Variants in AGBL4 observed in about 807,000 individuals in gnomAD.
AGBL4 encodes AGBL carboxypeptidase 4.
In AGBL4, 58 loss-of-function variants were observed where a neutral mutation model predicts 66.4. The observed-to-expected ratio is 0.87, with a 90% CI of 0.71 to 1.09. AGBL4 has a LOEUF of 1.09. AGBL4 is among the 50% of genes least tolerant of loss of function. The probability of loss-of-function intolerance (pLI) is 0.00; values close to 1 mark genes in which losing one functional copy is unlikely to be tolerated. For synonymous variants in AGBL4, 234 were observed against 222.9 expected, an observed-to-expected ratio of 1.05 and a Z score of -0.44; for missense variants, 579 against 631.0, an observed-to-expected ratio of 0.92 and a Z score of 0.88.
intron 3 of AGBL4, among the ~76,000 whole-genome samples, chr1:49,340,654 A>G (rs1471050718): frequency 2.6e-5 from 4 of 152,154 alleles, no homozygotes; most frequent in Non-Finnish European, 5.9e-5. Context: ...TGGATGCCCA[A>G]AGATATTTAA....
At chr1:49,381,122 C>G (rs1219014640) in intron 3 of AGBL4, among the ~76,000 whole-genome samples, 1 of 152,070 alleles carries the variant, frequency 6.6e-6, no homozygotes, top group African/African-American at 2.4e-5. Context: ...TATCCAGAAT[C>G]TACAAAGAAC....
intron 3 of AGBL4, among the ~76,000 whole-genome samples, chr1:49,414,539 T>C (rs1284740408): frequency 6.6e-6 from 1 of 152,168 alleles, no homozygotes; most frequent in African/African-American, 2.4e-5. Flanking sequence ...TCAATGGTTA[T>C]ATGCAATGAA....
At chr1:49,705,255 G>A (rs560987309) in intron 2 of AGBL4, among the ~76,000 whole-genome samples, 21 of 152,128 alleles carry the variant, frequency 1.4e-4, no homozygotes, top group Non-Finnish European at 2.9e-4. Flanking sequence ...AGGAATGCCT[G>A]TGAGTTTTGC....
chr1:49,782,151 C>T (rs1259482806), intron 2 of AGBL4, among the ~76,000 whole-genome samples: 18 of 151,444 alleles, frequency 1.2e-4, no homozygotes, highest in African/African-American at 3.1e-4. Context: ...GCTAGAAAAA[C>T]AAGAAAGAAA....
intron 3 of AGBL4, among the ~76,000 whole-genome samples, chr1:49,247,403 A>C (rs1651728510): frequency 6.6e-6 from 1 of 151,928 alleles, no homozygotes; most frequent in South Asian, 2.1e-4. Flanking sequence ...TTGGTTTCAG[A>C]CCTCTCTTCT....
intron 2 of AGBL4, among the ~76,000 whole-genome samples, chr1:49,760,671 G>A (rs1652239437): frequency 2.0e-5 from 3 of 152,078 alleles, no homozygotes; most frequent in South Asian, 2.1e-4. Context: ...CCATTACTGG[G>A]TATATACCCA....
At chr1:49,628,982 T>C (rs1195716634) in intron 3 of AGBL4, among the ~76,000 whole-genome samples, 1 of 152,160 alleles carries the variant, frequency 6.6e-6, no homozygotes, top group Admixed American at 6.6e-5. Flanking sequence ...AGTTTTTAAT[T>C]TTATGGATTC....
At chr1:49,195,979 G>A (rs981620944) in intron 4 of AGBL4, among the ~76,000 whole-genome samples, 7 of 151,980 alleles carry the variant, frequency 4.6e-5, no homozygotes, top group Non-Finnish European at 8.8e-5. Context: ...TTCTCACTTC[G>A]CTCCTCATTC....
chr1:49,972,175 C>G (rs148898405), intron 1 of AGBL4, among the ~76,000 whole-genome samples: 8,055 of 151,570 alleles, frequency 0.053, 237 homozygotes, highest in African/African-American at 0.071. Flanking sequence ...TCCCAAAGTG[C>G]TGGGATTACA....
chr1:49,797,305 C>T (rs1644754239), intron 2 of AGBL4, among the ~76,000 whole-genome samples: 1 of 152,150 alleles, frequency 6.6e-6, no homozygotes, highest in Non-Finnish European at 1.5e-5. Context: ...TTGTTCTCTT[C>T]TGATATTAAA....
At chr1:49,249,376 T>C (rs528493336) in intron 3 of AGBL4, among the ~76,000 whole-genome samples, 71 of 151,522 alleles carry the variant, frequency 4.7e-4, no homozygotes, top group African/African-American at 1.7e-3. Context: ...AACAACTCAA[T>C]AGCAAACAAA....
intron 5 of AGBL4, among the ~76,000 whole-genome samples, chr1:48,969,305 G>A (rs564565916): frequency 4.6e-5 from 7 of 152,170 alleles, no homozygotes; most frequent in African/African-American, 1.7e-4. Flanking sequence ...TTATCCCTCT[G>A]CCTGTTCTCT....
At chr1:49,579,687 G>A (rs187466472) in intron 3 of AGBL4, among the ~76,000 whole-genome samples, 11 of 152,212 alleles carry the variant, frequency 7.2e-5, no homozygotes, top group Admixed American at 7.2e-4. Context: ...TTTTAGTAGA[G>A]ACGGGGTTTC....
intron 4 of AGBL4, among the ~76,000 whole-genome samples, chr1:49,148,655 C>T (rs1323067158): frequency 5.9e-5 from 9 of 152,286 alleles, no homozygotes; most frequent in South Asian, 2.1e-4. Context: ...GGTCACTAGA[C>T]GTGCCTAACT....
intron 3 of AGBL4, among the ~76,000 whole-genome samples, chr1:49,661,730 G>T (rs538434092): frequency 1.3e-5 from 2 of 152,250 alleles, no homozygotes; most frequent in East Asian, 3.9e-4. Flanking sequence ...TACACTGTTG[G>T]TGGGAATGTA....
At chr1:49,162,826 G>C (rs999427149) in intron 4 of AGBL4, among the ~76,000 whole-genome samples, 4 of 152,236 alleles carry the variant, frequency 2.6e-5, no homozygotes, top group African/African-American at 9.6e-5. Flanking sequence ...TTGGTAAGCT[G>C]ATATATATTT....
At chr1:49,254,585 C>T (rs1652327673) in intron 3 of AGBL4, among the ~76,000 whole-genome samples, 2 of 152,232 alleles carry the variant, frequency 1.3e-5, no homozygotes, top group South Asian at 4.1e-4. Flanking sequence ...AATGGTCATA[C>T]TGCCCAAACC....
the AGBL4 span, among the ~76,000 whole-genome samples, chr1:48,522,713 T>G: frequency 2.0e-5 from 3 of 152,076 alleles, no homozygotes; most frequent in Admixed American, 6.6e-5. Context: ...AAAGAATCTT[T>G]GGAAGGCGGG....
chr1:49,898,900 T>G (rs760801800), intron 1 of AGBL4, among the ~76,000 whole-genome samples: 2 of 152,148 alleles, frequency 1.3e-5, no homozygotes, highest in Non-Finnish European at 2.9e-5. Context: ...TCATTTTTTG[T>G]GTGTGGGAGC....
Sources: allele counts gnomAD v4.1 joint callset (sites outside exome capture counted in the v4.1 genomes callset), GRCh38; gene constraint gnomAD v4.1.1; transcripts MANE v1.5; gene names NCBI Gene and HGNC (gene_info 2026-07-23, HGNC 2026-07-21).